The following RASA2 variants were observed in gnomAD, a reference collection of about 807,000 sequenced individuals.
The protein encoded by RASA2 is RAS p21 protein activator 2.
Under a neutral mutation model 118.2 loss-of-function variants are expected in RASA2, and 155 were observed. That is an observed-to-expected ratio of 1.31 (90% CI 1.15 to 1.50). The LOEUF is 1.50. Among genes scored for constraint, RASA2 ranks in the 40% most tolerant of loss-of-function variants. The pLI is 0.00. For missense variants in RASA2, 1,016 were observed against 1,009.6 expected, an observed-to-expected ratio of 1.01 and a Z score of -0.09; for synonymous variants, 353 against 349.1, an observed-to-expected ratio of 1.01 and a Z score of -0.12.
In RASA2 at chr3:141,585,912, TATTC is replaced by T. The variant is rs1453416410; in HGVS notation, c.1753-109_1753-106del. ...TTGTTTTATAAATTACTATTATGTG[TATTC>T]ATTAATAATGAAGAACTTCCCATTA... is the stretch of plus-strand genomic sequence containing the variant. On this transcript the variant is annotated intron_variant, in intron 17 of 23. Coordinates refer to ENST00000286364, the MANE Select transcript of RASA2 (RefSeq NM_006506.5). The T allele has an allele frequency of 4.4e-6, 3 of 680,334 alleles. No homozygotes were observed. In the African/African-American group the frequency reaches 5.4e-5, roughly 12 times the overall value. The allele number at this position is 680,334 out of a possible 1,614,324, so 42.1% of individuals were successfully genotyped here.
At chr3:141,515,789 A>G (rs1370350753) in intron 2 of RASA2, among the ~76,000 whole-genome samples, 1 of 150,538 alleles carries the variant, frequency 6.6e-6, no homozygotes, top group Admixed American at 6.7e-5. Flanking sequence ...AGTCCCAGCT[A>G]CTCGGGAGGC....
At chr3:141,495,839 T>C (rs1327745854) in intron 1 of RASA2, among the ~76,000 whole-genome samples, 1 of 152,218 alleles carries the variant, frequency 6.6e-6, no homozygotes, top group Non-Finnish European at 1.5e-5. Flanking sequence ...ATGGATAATA[T>C]GTTCATACAC....
intron 1 of RASA2, among the ~76,000 whole-genome samples, chr3:141,487,741 G>T (rs1042957256): frequency 1.7e-4 from 26 of 152,128 alleles, no homozygotes; most frequent in African/African-American, 6.0e-4. Flanking sequence ...GGCTCGGCGA[G>T]CCTGGGAGAG....
chr3:141,497,114 A>G (rs1271332107), intron 1 of RASA2, among the ~76,000 whole-genome samples: 5 of 140,754 alleles, frequency 3.6e-5, no homozygotes, highest in African/African-American at 5.3e-5. Context: ...GAATTGAACA[A>G]TGAGAACACT....
At chr3:141,489,443 A>T (rs1234876512) in intron 1 of RASA2, among the ~76,000 whole-genome samples, 1 of 152,148 alleles carries the variant, frequency 6.6e-6, no homozygotes, top group South Asian at 2.1e-4. Flanking sequence ...CAGAAATGAG[A>T]TGGTGGTGGT....
intron 19 of RASA2, among the ~76,000 whole-genome samples, chr3:141,596,991 G>A (rs1271068451): frequency 3.3e-5 from 5 of 152,136 alleles, no homozygotes; most frequent in African/African-American, 7.2e-5. Context: ...ACAAAGAATC[G>A]GAGTGAATGT....
Position 141,487,088 on chromosome 3 carries a change from C to T in RASA2, c.5C>T (p.Ala2Val), listed in dbSNP as rs538827438. The change falls in exon 1 of 24, where the codon GCG becomes GTG. Residue 2 changes from alanine to valine, a missense_variant. Coordinates refer to ENST00000286364, the MANE Select transcript of RASA2 (RefSeq NM_006506.5). ...CGGCACGGGCCGGGCGGCACCATGG[C>T]GGCGGCGGCGCCTGCTGCTGCGGCG... MAAAAPAAAAAS... is the reference protein window; with the variant it reads MVAAAPAAAAAS... The T allele has an allele frequency of 4.4e-6, 6 of 1,360,180 alleles. No homozygotes were observed. The highest frequency in any genetic ancestry group is 3.4e-5 in the East Asian group (1 of 29,062). 84.3% of individuals were successfully genotyped at this position (1,360,180 alleles called of 1,614,324 possible).
chr3:141,559,876 C>T lies in RASA2; in HGVS notation c.762-18C>T. ...TAAACATTGTTTGCAAAACATAAAGCCAGTTTTCAATTTTCAGGATCGACT... is the reference window on the plus strand; with the variant it reads ...TAAACATTGTTTGCAAAACATAAAGTCAGTTTTCAATTTTCAGGATCGACT... On this transcript the variant is annotated intron_variant, in intron 8 of 23. Transcript: ENST00000286364. 1 of 1,602,418 alleles carries T rather than the reference C, an allele frequency of 6.2e-7. No individual in the cohort carries two copies.
intron 17 of RASA2, among the ~76,000 whole-genome samples, chr3:141,584,819 G>A (rs373655597): frequency 1.3e-5 from 2 of 152,106 alleles, no homozygotes; most frequent in Non-Finnish European, 2.9e-5. Flanking sequence ...GTTGAGACCA[G>A]AAGTGTTTTG....
chr3:141,564,109 A>G (rs947589569), intron 9 of RASA2, among the ~76,000 whole-genome samples: 2 of 152,172 alleles, frequency 1.3e-5, no homozygotes, highest in African/African-American at 4.8e-5. Context: ...GCATCCAAAA[A>G]CAATGTATGC....
chr3:141,499,437 C>T (rs756919225), intron 1 of RASA2, among the ~76,000 whole-genome samples: 4 of 152,132 alleles, frequency 2.6e-5, no homozygotes, highest in African/African-American at 4.8e-5. Flanking sequence ...CACACACACA[C>T]GAAAAAACAG....
At chr3:141,573,820 A>G in intron 13 of RASA2, 124 bp from the exon 14 acceptor site, 1 of 738,104 alleles carries the variant, frequency 1.4e-6, no homozygotes, top group Non-Finnish European at 1.9e-6. Context: ...GGGTAACAGT[A>G]CTTTAAAAAA....
intron 3 of RASA2, among the ~76,000 whole-genome samples, chr3:141,518,946 T>G (rs2082071105): frequency 6.6e-6 from 1 of 152,234 alleles, no homozygotes; most frequent in Non-Finnish European, 1.5e-5. Context: ...ATATCCTTTA[T>G]AGAAAAGTGT....
intron 1 of RASA2, among the ~76,000 whole-genome samples, chr3:141,487,980 C>G (rs943899549): frequency 1.3e-5 from 2 of 152,152 alleles, no homozygotes; most frequent in African/African-American, 2.4e-5. Context: ...TCACCCAGCC[C>G]GCACTCAGCC....
At chr3:141,576,369 C>T (rs1048477053) in intron 14 of RASA2, among the ~76,000 whole-genome samples, 16 of 152,142 alleles carry the variant, frequency 1.1e-4, no homozygotes, top group Non-Finnish European at 2.2e-4. Context: ...CGAACCAAAC[C>T]TAAAGATTCT....
Position 141,524,409 on chromosome 3 carries a change from G to A in RASA2, c.356-5299G>A, listed in dbSNP as rs117014767. Reference sequence around the variant, plus strand: ...GTGTAGATAACCAGGAGTTATGGAGGCCATTAATATACCAGTTTACCACAA... The same window carrying A: ...GTGTAGATAACCAGGAGTTATGGAGACCATTAATATACCAGTTTACCACAA... On this transcript the variant is annotated intron_variant, in intron 3 of 23. Transcript: ENST00000286364. 5.0e-4 allele frequency among the ~76,000 whole-genome samples: 76 copies of A among 151,590 alleles called. No homozygotes were observed. In the East Asian group the frequency reaches 0.015, roughly 29 times the overall value.
intron 1 of RASA2, among the ~76,000 whole-genome samples, chr3:141,504,823 C>G (rs533529630): frequency 7.9e-5 from 12 of 152,256 alleles, no homozygotes; most frequent in African/African-American, 2.9e-4. Flanking sequence ...CCATCTCTTA[C>G]TATCTCCTCC....
At chr3:141,545,029 AAC>A (rs2082463815) in intron 5 of RASA2, among the ~76,000 whole-genome samples, 1 of 152,236 alleles carries the variant, frequency 6.6e-6, no homozygotes, top group Non-Finnish European at 1.5e-5. Flanking sequence ...CAGGAACAAT[AAC>A]TAATGGGTGC....
At chr3:141,591,969 T>A (rs2107783111) in intron 19 of RASA2, among the ~76,000 whole-genome samples, 1 of 152,176 alleles carries the variant, frequency 6.6e-6, no homozygotes, top group South Asian at 2.1e-4. Flanking sequence ...GAGTGCCTAC[T>A]ATGTACCAGA....
Sources: gnomAD v4.1 joint callset for allele counts (sites outside exome capture counted in the v4.1 genomes callset) on GRCh38, gnomAD v4.1.1 for gene constraint, MANE v1.5 for transcripts, NCBI Gene and HGNC (gene_info 2026-07-23, HGNC 2026-07-21) for gene names.